EYS: variants seen among roughly 807,000 people sequenced by gnomAD.
EYS encodes the protein EGF-like photoreceptor maintenance factor.
Under a neutral mutation model 282.1 loss-of-function variants are expected in EYS, and 250 were observed. That is an observed-to-expected ratio of 0.89 (90% CI 0.80 to 0.98). EYS has a LOEUF of 0.98. Ranked by LOEUF, EYS falls within the 50% of genes least tolerant of loss-of-function variation. The pLI, the probability that EYS is intolerant of heterozygous loss-of-function variation, is 0.00. For missense variants in EYS, 4,016 were observed against 3,709.0 expected (o/e 1.08, Z -2.15); for synonymous variants, 1,355 against 1,282.9 (o/e 1.06, Z -1.20).
intron 22 of EYS, among the ~76,000 whole-genome samples, chr6:64,677,435 T>G (rs1285532088): frequency 2.0e-5 from 3 of 152,194 alleles, no homozygotes; most frequent in African/African-American, 7.2e-5. Flanking sequence ...GGAAATTAGA[T>G]CTAAGACCAA....
intron 18 of EYS, among the ~76,000 whole-genome samples, chr6:64,889,042 T>C (rs1767190352): frequency 6.6e-6 from 1 of 152,104 alleles, no homozygotes; most frequent in African/African-American, 2.4e-5. Flanking sequence ...AAATCTACTT[T>C]GTATTTTGAA....
At chr6:63,791,504 G>C (rs1168681916) in intron 37 of EYS, among the ~76,000 whole-genome samples, 1 of 151,668 alleles carries the variant, frequency 6.6e-6, no homozygotes, top group Non-Finnish European at 1.5e-5. Context: ...CGGGAACCTG[G>C]GAGGCAGATC....
intron 24 of EYS, among the ~76,000 whole-genome samples, chr6:64,606,334 C>A (rs192110307): frequency 2.6e-5 from 4 of 152,042 alleles, no homozygotes; most frequent in Admixed American, 2.6e-4. Context: ...TACACTTGAC[C>A]TCCTATATAG....
At chr6:63,784,249 A>G (rs1770309645) in intron 39 of EYS, among the ~76,000 whole-genome samples, 2 of 151,970 alleles carry the variant, frequency 1.3e-5, no homozygotes, top group Non-Finnish European at 2.9e-5. Context: ...ATGTGACCCA[A>G]TTCCTTATTA....
rs1775512544 is a variant in EYS at position 65,120,582 on chromosome 6, CTA to C, written c.2024-62857_2024-62856del. On this transcript the variant is annotated intron_variant, in intron 12 of 42. Transcript: ENST00000503581. Reference sequence around the variant, plus strand: ...AGTTTGTATTAAAATGCAGTGCAGACTATGATTCAGTAAGATTGGAATAGACA... The same window carrying C: ...AGTTTGTATTAAAATGCAGTGCAGACTGATTCAGTAAGATTGGAATAGACA... Among the ~76,000 whole-genome samples, 2 of 151,130 alleles carry C rather than the reference CTA, an allele frequency of 1.3e-5. 1 individual carries two copies. Among genetic ancestry groups the C allele is most frequent in the South Asian group, 4.2e-4 (2 of 4,794 alleles).
At chr6:64,015,372 G>C (rs1000167253) in intron 33 of EYS, among the ~76,000 whole-genome samples, 1 of 152,088 alleles carries the variant, frequency 6.6e-6, no homozygotes, top group African/African-American at 2.4e-5. Flanking sequence ...AATATTGCAA[G>C]GCTCATAGGC....
At chr6:64,820,468 G>A (rs1764868054) in intron 21 of EYS, among the ~76,000 whole-genome samples, 1 of 152,072 alleles carries the variant, frequency 6.6e-6, no homozygotes, top group South Asian at 2.1e-4. Flanking sequence ...ATGCAAACAA[G>A]ATGTATGGTT....
chr6:63,887,197 A>G (rs576892508), intron 35 of EYS, among the ~76,000 whole-genome samples: 2 of 152,232 alleles, frequency 1.3e-5, no homozygotes, highest in South Asian at 4.1e-4. Flanking sequence ...CTCCAGGGAC[A>G]TGCTACAGTT....
intron 12 of EYS, among the ~76,000 whole-genome samples, chr6:65,237,131 T>A (rs373843368): frequency 8.5e-5 from 13 of 152,112 alleles, no homozygotes; most frequent in African/African-American, 2.4e-4. Context: ...GGGTAATACA[T>A]CTACATTTTC....
chr6:64,462,230 G>A (rs985239283), intron 26 of EYS, among the ~76,000 whole-genome samples: 1 of 152,138 alleles, frequency 6.6e-6, no homozygotes, highest in African/African-American at 2.4e-5. Flanking sequence ...GTAAGATACA[G>A]ATGTATTGAC....
At chr6:63,883,082 C>A (rs1332843518) in intron 35 of EYS, among the ~76,000 whole-genome samples, 1 of 152,134 alleles carries the variant, frequency 6.6e-6, no homozygotes, top group Non-Finnish European at 1.5e-5. Flanking sequence ...CACCTTTGTT[C>A]AAAGAATTGA....
At chr6:65,248,108 GT>G (rs1320208503) in intron 12 of EYS, among the ~76,000 whole-genome samples, 1 of 151,824 alleles carries the variant, frequency 6.6e-6, no homozygotes, top group Non-Finnish European at 1.5e-5. Context: ...TCCTCAGCTG[GT>G]TTTGGCTGCT....
intron 14 of EYS, among the ~76,000 whole-genome samples, chr6:64,974,769 C>A (rs1285236405): frequency 6.6e-6 from 1 of 151,848 alleles, no homozygotes; most frequent in Non-Finnish European, 1.5e-5. Context: ...GTATACCGCA[C>A]AGCACAAAGA....
At chr6:64,324,995 C>T (rs899270411) in intron 29 of EYS, among the ~76,000 whole-genome samples, 3 of 152,156 alleles carry the variant, frequency 2.0e-5, no homozygotes, top group Admixed American at 6.5e-5. Context: ...ATGTTCCATG[C>T]TCATGGGTTG....
chr6:64,102,963 G>A lies in EYS; in HGVS notation c.6425-20961C>T, dbSNP rs535604940. 5.3e-5 allele frequency among the ~76,000 whole-genome samples: 8 copies of A among 151,910 alleles called. 1 individual carries two copies. In the South Asian group the frequency reaches 1.5e-3, roughly 28 times the overall value. ...CCTACAACTTCCTAGCTTAGTAGAG[G>A]GCAGAGCATTCACATGTAATTAAAA... On this transcript the variant is annotated intron_variant, in intron 31 of 42. Transcript: ENST00000503581.
At chr6:64,399,716 G>A (rs922516472) in intron 28 of EYS, among the ~76,000 whole-genome samples, 1 of 151,836 alleles carries the variant, frequency 6.6e-6, no homozygotes, top group African/African-American at 2.4e-5. Context: ...TGTTAGTTCT[G>A]TTTCCCTGGT....
At position 65,613,316 on chromosome 6, in the gene EYS, T is replaced by C. The variant is rs560899302; in HGVS notation, c.-333+26462A>G. ...ATTTAATACGGTGGTGACTTCTCCA[T>C]GGATAAGGTGAGAGACCTAGTTGAA... On this transcript the variant is annotated intron_variant, in intron 2 of 42. Coordinates refer to ENST00000503581, the MANE Select transcript of EYS (RefSeq NM_001142800.2). Among the ~76,000 whole-genome samples, 37 of 151,990 alleles carry C rather than the reference T, an allele frequency of 2.4e-4. 1 individual carries two copies. The highest frequency in any genetic ancestry group is 6.0e-4 in the African/African-American group (25 of 41,554).
chr6:64,341,709 A>G (rs1006390596), intron 29 of EYS, among the ~76,000 whole-genome samples: 2 of 151,646 alleles, frequency 1.3e-5, no homozygotes, highest in African/African-American at 4.8e-5. Context: ...ATGTCATCCC[A>G]ACTACTCCCA....
rs1413803301 is a variant in EYS, at chr6:64,660,788, A to G, written c.3444-34543T>C. Among the ~76,000 whole-genome samples, 3 of 152,222 alleles carry G rather than the reference A, an allele frequency of 2.0e-5. No individual in the cohort carries two copies. In the East Asian group the frequency reaches 5.8e-4, roughly 29 times the overall value. ...CCACGCTCATGGGTAAGAAGAATCA[A>G]TATCATGAAAATGGCCATACAGCCC... is the stretch of plus-strand genomic sequence containing the variant. On this transcript the variant is annotated intron_variant, in intron 22 of 42. Coordinates refer to ENST00000503581, the MANE Select transcript of EYS (RefSeq NM_001142800.2).
Sources: gnomAD v4.1 joint callset for allele counts (sites outside exome capture counted in the v4.1 genomes callset) on GRCh38, gnomAD v4.1.1 for gene constraint, MANE v1.5 for transcripts, NCBI Gene and HGNC (gene_info 2026-07-23, HGNC 2026-07-21) for gene names.